Variants in TCF20 observed in about 807,000 individuals in gnomAD.
TCF20 encodes SPRE-binding protein.
In TCF20, 3 loss-of-function variants were observed where a neutral mutation model predicts 148.6. That is an observed-to-expected ratio of 0.02 (90% CI 0.01 to 0.05). TCF20 has a LOEUF of 0.05. TCF20 is among the 10% of genes least tolerant of loss of function. The pLI, the probability that TCF20 is intolerant of heterozygous loss-of-function variation, is 1.00. For synonymous variants in TCF20, 1,049 were observed against 909.5 expected, an observed-to-expected ratio of 1.15 and a Z score of -2.76; for missense variants, 2,350 against 2,429.3, an observed-to-expected ratio of 0.97 and a Z score of 0.69.
intron 5 of TCF20, among the ~76,000 whole-genome samples, chr22:42,166,515 G>C (rs564072716): frequency 1.3e-5 from 2 of 151,920 alleles, no homozygotes; most frequent in African/African-American, 4.8e-5. Context: ...GGGCTGAGGC[G>C]GGAGAATCGC....
At chr22:42,234,195 A>G (rs2147286815) in intron 1 of TCF20, among the ~76,000 whole-genome samples, 1 of 152,356 alleles carries the variant, frequency 6.6e-6, no homozygotes, top group East Asian at 1.9e-4. Context: ...GCTGGCTAAC[A>G]ACCTTAGAAA....
chr22:42,246,856 C>T (rs2147332837), intron 1 of TCF20, among the ~76,000 whole-genome samples: 1 of 151,338 alleles, frequency 6.6e-6, no homozygotes, highest in South Asian at 2.1e-4. Context: ...ATCCCAGCTA[C>T]TTGGGAGGCT....
At chr22:42,176,102 T>C (rs546750485) in intron 3 of TCF20, among the ~76,000 whole-genome samples, 1 of 152,330 alleles carries the variant, frequency 6.6e-6, no homozygotes, top group Non-Finnish European at 1.5e-5. Flanking sequence ...GGCACTCTGT[T>C]TCTGATTCCC....
At chr22:42,324,137 T>A (rs1927820848) in intron 1 of TCF20, among the ~76,000 whole-genome samples, 1 of 147,120 alleles carries the variant, frequency 6.8e-6, no homozygotes, top group Non-Finnish European at 1.5e-5. Context: ...GTGGTGGTGG[T>A]GGTGGTGGTG....
intron 5 of TCF20, among the ~76,000 whole-genome samples, chr22:42,167,569 C>T (rs936414076): frequency 2.6e-5 from 4 of 152,122 alleles, no homozygotes; most frequent in Non-Finnish European, 4.4e-5. Context: ...GCCTCAGTGA[C>T]GCAGGGAGGG....
At chr22:42,220,711 C>T (rs1601614495) in intron 1 of TCF20, among the ~76,000 whole-genome samples, 2 of 152,146 alleles carry the variant, frequency 1.3e-5, no homozygotes, top group South Asian at 2.1e-4. Flanking sequence ...GCCTTCTGAC[C>T]CAGTTTGGCT....
chr22:42,241,400 A>G (rs1449174361), intron 1 of TCF20, among the ~76,000 whole-genome samples: 2 of 152,230 alleles, frequency 1.3e-5, no homozygotes, highest in Non-Finnish European at 2.9e-5. Context: ...GTTCTAGGAA[A>G]TAAAAGCGAA....
chr22:42,337,586 T>C (rs1468364441), intron 1 of TCF20, among the ~76,000 whole-genome samples: 1 of 152,244 alleles, frequency 6.6e-6, no homozygotes, highest in Non-Finnish European at 1.5e-5. Flanking sequence ...CAACTCAAAA[T>C]GTCTCCTCTT....
intron 2 of TCF20, among the ~76,000 whole-genome samples, chr22:42,183,776 C>CTTT (rs58819800): frequency 2.4e-4 from 33 of 140,164 alleles, no homozygotes; most frequent in Middle Eastern, 6.6e-3. Context: ...CTTTTAGGTT[C>CTTT]TTTTTTTTTT....
At position 42,297,385 on chromosome 22, in the gene TCF20, T is replaced by C. The variant is rs980185133; in HGVS notation, c.-37+46094A>G. Among the ~76,000 whole-genome samples the C allele has an allele frequency of 6.6e-6, 1 of 152,208 alleles. No individual in the cohort carries two copies. Among genetic ancestry groups the C allele is most frequent in the Non-Finnish European group, 1.5e-5 (1 of 68,036 alleles). On this transcript the variant is annotated intron_variant, in intron 1 of 1. Coordinates refer to the TCF20 transcript ENST00000515426. The surrounding 1 kb of genome is among the most constrained non-coding windows in gnomAD (Gnocchi z 4.3). ...GGCAAGAATGAGGAGTGGGTCCTCA[T>C]TTGCATTAGACGGTAAATCTAAGGA... is the stretch of plus-strand genomic sequence containing the variant.
Position 42,214,250 on chromosome 22 carries a change from A to G in TCF20, c.1056T>C (p.Val352=), listed in dbSNP as rs142522528. ...SQVGQYNQPE[V]PVRSPMQFHQ... ...GAAACTGCATGGGGGACCTCACAGG[A>G]ACCTCAGGCTGGTTGTACTGCCCCA... The change falls in exon 2 of 6, where the codon GTT becomes GTC. Residue 352 remains valine, a synonymous_variant. Transcript: ENST00000677622. The G allele has an allele frequency of 4.6e-4, 743 of 1,614,204 alleles. 2 individuals are homozygous for G. In the African/African-American group the frequency reaches 8.7e-3, roughly 19 times the overall value.
chr22:42,173,469 T>C (rs1164442602), intron 3 of TCF20, among the ~76,000 whole-genome samples: 1 of 151,842 alleles, frequency 6.6e-6, no homozygotes, highest in Non-Finnish European at 1.5e-5. Flanking sequence ...CCCTGAGACA[T>C]CAACAGCTCT....
intron 1 of TCF20, among the ~76,000 whole-genome samples, chr22:42,237,476 G>C (rs1923992761): frequency 6.6e-6 from 1 of 152,158 alleles, no homozygotes; most frequent in African/African-American, 2.4e-5. Flanking sequence ...CATCCATGAG[G>C]GCTGGAATCA....
At chr22:42,296,439 C>T (rs1374805188) in intron 1 of TCF20, among the ~76,000 whole-genome samples, 3 of 152,234 alleles carry the variant, frequency 2.0e-5, no homozygotes, top group South Asian at 2.1e-4. Flanking sequence ...CAGCTGTGCC[C>T]GGCTCCCCAA....
At chr22:42,298,492 C>T (rs775523612) in intron 1 of TCF20, among the ~76,000 whole-genome samples, 83 of 152,222 alleles carry the variant, frequency 5.5e-4, no homozygotes, top group Admixed American at 1.0e-3. Context: ...GCCGAAGCCT[C>T]CTTGGCTATC....
rs1337216780 is a variant in TCF20, at chr22:42,290,398, G to A, written c.-37+53081C>T. On this transcript the variant is annotated intron_variant, in intron 1 of 1. Coordinates refer to the TCF20 transcript ENST00000515426. This position sits in a 1 kb window ranked among gnomAD's most constrained non-coding sequence, Gnocchi z 4.2. ...AGCCAAAACACACGGAATGAGAATCGTTCAGAATCTTTCATCTGCTCAAAA... is the reference window on the plus strand; with the variant it reads ...AGCCAAAACACACGGAATGAGAATCATTCAGAATCTTTCATCTGCTCAAAA... Among the ~76,000 whole-genome samples the A allele has an allele frequency of 6.6e-6, 1 of 152,236 alleles. No individual in the cohort carries two copies. The highest frequency in any genetic ancestry group is 2.1e-4 in the South Asian group (1 of 4,834).
chr22:42,211,058 T>C lies in TCF20; in HGVS notation c.4248A>G (p.Leu1416=). The part of the protein sequence containing the change: ...EKRKGEVASD[L]VSPANQELHV... ...GCAACTCCTGGTTTGCTGGACTGAC[T>C]AGGTCCGAAGCCACCTCACCTTTTC... Residue 1416 remains leucine (L), a synonymous_variant, in exon 2 of 6, where the codon CTA becomes CTG. Transcript: ENST00000677622. 6.2e-7 allele frequency: 1 copy of C among 1,614,150 alleles called. No homozygotes were observed. The highest frequency in any genetic ancestry group is 8.5e-7 in the Non-Finnish European group (1 of 1,180,028).
intron 3 of TCF20, among the ~76,000 whole-genome samples, chr22:42,178,906 G>A (rs1036378290): frequency 9.2e-5 from 14 of 151,824 alleles, no homozygotes; most frequent in African/African-American, 3.4e-4. Flanking sequence ...GATGTGAATA[G>A]CTATTTCTCC....
intron 1 of TCF20, among the ~76,000 whole-genome samples, chr22:42,320,660 A>AG (rs1927716183): frequency 6.6e-6 from 1 of 152,214 alleles, no homozygotes; most frequent in Admixed American, 6.5e-5. Context: ...AACACGTGTG[A>AG]GGGGACTGAT....
Sources: allele counts gnomAD v4.1 joint callset (sites outside exome capture counted in the v4.1 genomes callset), GRCh38; gene constraint gnomAD v4.1.1; non-coding constraint Gnocchi (gnomAD v3.1); transcripts MANE v1.5; gene names NCBI Gene and HGNC (gene_info 2026-07-23, HGNC 2026-07-21).